The following CAMK1D variants were observed in gnomAD, a reference collection of about 807,000 sequenced individuals.
CAMK1D encodes calcium/calmodulin-dependent protein kinase type 1D.
CAMK1D carries 9 observed loss-of-function variants against 47.7 expected under a neutral mutation model. That is an observed-to-expected ratio of 0.19 (90% CI 0.11 to 0.33). The LOEUF (loss-of-function observed/expected upper bound fraction) is 0.33, where lower values mean the gene tolerates loss of function less well. Among genes scored for constraint, CAMK1D ranks in the 10% least tolerant of loss-of-function variants. CAMK1D has a pLI of 1.00. For synonymous variants in CAMK1D, 184 were observed against 184.9 expected (o/e 0.99, Z 0.04); for missense variants, 291 against 488.7 (o/e 0.60, Z 3.81).
chr10:12,556,520 A>G (rs1395841264), intron 2 of CAMK1D, among the ~76,000 whole-genome samples: 1 of 152,108 alleles, frequency 6.6e-6, no homozygotes, highest in Non-Finnish European at 1.5e-5. Flanking sequence ...GGCCTGGACA[A>G]TGAGCATAGT....
intron 1 of CAMK1D, among the ~76,000 whole-genome samples, chr10:12,527,583 G>C (rs776139535): frequency 8.5e-5 from 13 of 152,118 alleles, no homozygotes; most frequent in African/African-American, 2.9e-4. Flanking sequence ...GGTCTGGCTG[G>C]TGTTGAGGTC....
intron 3 of CAMK1D, among the ~76,000 whole-genome samples, chr10:12,696,888 C>T (rs1261255648): frequency 6.6e-6 from 1 of 152,168 alleles, no homozygotes; most frequent in Non-Finnish European, 1.5e-5. Context: ...GAAACTTCTC[C>T]ATCTTTGCAG....
At chr10:12,727,690 T>C (rs2130803170) in intron 3 of CAMK1D, among the ~76,000 whole-genome samples, 1 of 152,150 alleles carries the variant, frequency 6.6e-6, no homozygotes, top group African/African-American at 2.4e-5. Flanking sequence ...GAATCTGGCG[T>C]ATCACAATAT....
At chr10:12,824,045 A>T (rs900256961) in intron 8 of CAMK1D, among the ~76,000 whole-genome samples, 1 of 151,988 alleles carries the variant, frequency 6.6e-6, no homozygotes, top group African/African-American at 2.4e-5. Context: ...CAGTTGGGGA[A>T]CAAGTGTGAG....
chr10:12,565,169 C>G (rs1485866936), intron 2 of CAMK1D, among the ~76,000 whole-genome samples: 1 of 152,148 alleles, frequency 6.6e-6, no homozygotes, highest in Non-Finnish European at 1.5e-5. Context: ...TATGACTGTG[C>G]CACTGCACTT....
chr10:12,475,214 A>T (rs910312654), intron 1 of CAMK1D, among the ~76,000 whole-genome samples: 1 of 152,054 alleles, frequency 6.6e-6, no homozygotes, highest in Non-Finnish European at 1.5e-5. Flanking sequence ...CATCACCACC[A>T]TCCATGTTTT....
intron 2 of CAMK1D, among the ~76,000 whole-genome samples, chr10:12,599,616 C>A (rs113925646): frequency 1.3e-5 from 2 of 152,180 alleles, no homozygotes; most frequent in Non-Finnish European, 2.9e-5. Flanking sequence ...AAGAGAGCAA[C>A]GTGAACACGA....
chr10:12,354,142 ATG>A, intron 1 of CAMK1D, among the ~76,000 whole-genome samples: 1 of 152,268 alleles, frequency 6.6e-6, no homozygotes, highest in African/African-American at 2.4e-5. Flanking sequence ...AGAACATGGC[ATG>A]CCCTAGAAAA....
chr10:12,563,700 G>GGAGAGAGAGA (rs1336222553), intron 2 of CAMK1D, among the ~76,000 whole-genome samples: 3 of 85,178 alleles, frequency 3.5e-5, no homozygotes, highest in African/African-American at 9.1e-5. Flanking sequence ...AGAGAGAGAG[G>GGAGAGAGAGA]GAGAGAGAGG....
intron 3 of CAMK1D, among the ~76,000 whole-genome samples, chr10:12,698,056 A>G (rs1198331459): frequency 6.6e-6 from 1 of 152,210 alleles, no homozygotes; most frequent in Non-Finnish European, 1.5e-5. Flanking sequence ...AAATAGTGAT[A>G]CTGGTTGGGC....
At chr10:12,426,109 A>G (rs1337580762) in intron 1 of CAMK1D, among the ~76,000 whole-genome samples, 1 of 152,166 alleles carries the variant, frequency 6.6e-6, no homozygotes, top group Non-Finnish European at 1.5e-5. Flanking sequence ...CATTGCAACA[A>G]TTCCTCTTTC....
chr10:12,733,766 TC>T (rs545817242), intron 3 of CAMK1D, among the ~76,000 whole-genome samples: 180 of 152,372 alleles, frequency 1.2e-3, no homozygotes, highest in Non-Finnish European at 1.2e-3. Context: ...CTCAAATGGT[TC>T]GATGGTTCCT....
At chr10:12,483,038 C>T (rs1472645599) in intron 1 of CAMK1D, among the ~76,000 whole-genome samples, 3 of 152,206 alleles carry the variant, frequency 2.0e-5, no homozygotes, top group Admixed American at 6.5e-5. Flanking sequence ...TTCTAGATCC[C>T]TGTTCCCATT....
chr10:12,777,562 C>T (rs1339867897), intron 5 of CAMK1D, among the ~76,000 whole-genome samples: 5 of 151,876 alleles, frequency 3.3e-5, no homozygotes, highest in East Asian at 3.9e-4. Context: ...TTATTAGAGA[C>T]GGGGTTTCTC....
chr10:12,506,722 G>A (rs937181466), intron 1 of CAMK1D, among the ~76,000 whole-genome samples: 7 of 151,962 alleles, frequency 4.6e-5, no homozygotes, highest in Non-Finnish European at 7.4e-5. Context: ...GTTTCACCGT[G>A]CTACCCGGGA....
At chr10:12,807,565 C>T (rs1011835609) in intron 6 of CAMK1D, among the ~76,000 whole-genome samples, 20 of 152,180 alleles carry the variant, frequency 1.3e-4, no homozygotes, top group Non-Finnish European at 1.5e-4. Flanking sequence ...TGCCTGGAGC[C>T]GCCTCTCTGA....
chr10:12,759,834 T>C (rs1836417072), intron 3 of CAMK1D, among the ~76,000 whole-genome samples: 1 of 152,226 alleles, frequency 6.6e-6, no homozygotes, highest in East Asian at 1.9e-4. Context: ...GCATAAATTG[T>C]CGTGCCTTTT....
chr10:12,597,792 C>T (rs542150787), intron 2 of CAMK1D, among the ~76,000 whole-genome samples: 1 of 152,266 alleles, frequency 6.6e-6, no homozygotes, highest in Non-Finnish European at 1.5e-5. Context: ...ATGAAGGAGC[C>T]CTGTATTTGC....
At chr10:12,600,697 A>G in intron 2 of CAMK1D, among the ~76,000 whole-genome samples, 1 of 152,202 alleles carries the variant, frequency 6.6e-6, no homozygotes, top group East Asian at 1.9e-4. Flanking sequence ...GTAGTGGTGA[A>G]TTCTGAGCTT....
Sources: gnomAD v4.1 joint callset for allele counts (sites outside exome capture counted in the v4.1 genomes callset) on GRCh38, gnomAD v4.1.1 for gene constraint, MANE v1.5 for transcripts, NCBI Gene and HGNC (gene_info 2026-07-23, HGNC 2026-07-21) for gene names.